CIROZ: variants seen among roughly 807,000 people sequenced by gnomAD.
The protein encoded by CIROZ is ciliated left-right organizer ZP-N domains-containing protein.
At chr1:10,947,779 C>G in the CIROZ span, 1 of 1,598,466 alleles carries the variant, frequency 6.3e-7, no homozygotes, top group Admixed American at 1.7e-5. Flanking sequence ...AGTGAGGCCC[C>G]CCGGCCAGCC....
the CIROZ span, among the ~76,000 whole-genome samples, chr1:10,959,671 A>G: frequency 6.6e-6 from 1 of 152,290 alleles, no homozygotes; most frequent in South Asian, 2.1e-4. This position sits in a 1 kb window ranked among gnomAD's most constrained non-coding sequence, Gnocchi z 4.3. Flanking sequence ...TCCCCAACTC[A>G]AGGCTACCCA....
chr1:10,966,107 T>C, the CIROZ span, among the ~76,000 whole-genome samples: 10 of 152,178 alleles, frequency 6.6e-5, no homozygotes, highest in East Asian at 1.5e-3. Context: ...TTGGCAATGA[T>C]AGAAGCAGGT....
At chr1:10,969,939 A>T in the CIROZ span, 4 of 1,504,932 alleles carry the variant, frequency 2.7e-6, no homozygotes, top group Middle Eastern at 1.8e-4. Context: ...GCCCCAGCAA[A>T]GACCCCGCCC....
the CIROZ span, among the ~76,000 whole-genome samples, chr1:10,959,921 TGGA>T: frequency 1.3e-5 from 2 of 152,068 alleles, no homozygotes; most frequent in Non-Finnish European, 1.5e-5. This position sits in a 1 kb window ranked among gnomAD's most constrained non-coding sequence, Gnocchi z 4.3. Context: ...GTGGAAGAAA[TGGA>T]GGAGATGTCC....
At chr1:10,978,188 A>AAC in the CIROZ span, among the ~76,000 whole-genome samples, 16 of 151,122 alleles carry the variant, frequency 1.1e-4, 1 homozygote, top group African/African-American at 3.9e-4. Context: ...AAAAAAAAAA[A>AAC]AGTTAGCCAC....
chr1:10,962,226 A>G, the CIROZ span, among the ~76,000 whole-genome samples: 1 of 151,878 alleles, frequency 6.6e-6, no homozygotes. Flanking sequence ...CAGGCGGATC[A>G]CTTGAGGTCA....
chr1:10,974,358 C>A, the CIROZ span, among the ~76,000 whole-genome samples: 10 of 152,036 alleles, frequency 6.6e-5, no homozygotes, highest in Non-Finnish European at 1.5e-5. The surrounding 1 kb of genome is among the most constrained non-coding windows in gnomAD (Gnocchi z 4.4). Context: ...GAGTTGAGTA[C>A]CCTCTCTGCT....
At chr1:10,953,977 T>C in the CIROZ span, 1 of 1,584,494 alleles carries the variant, frequency 6.3e-7, no homozygotes, top group East Asian at 2.3e-5. Context: ...GTGTGGTGTG[T>C]GCCTGTTACC....
the CIROZ span, among the ~76,000 whole-genome samples, chr1:10,979,624 C>T: frequency 5.9e-5 from 9 of 152,246 alleles, no homozygotes; most frequent in Admixed American, 2.0e-4. Flanking sequence ...TCAGAGGACA[C>T]GTGCAAGACT....
chr1:10,958,161 G>A, the CIROZ span, among the ~76,000 whole-genome samples: 6 of 152,298 alleles, frequency 3.9e-5, no homozygotes, highest in Non-Finnish European at 8.8e-5. Context: ...GCCAGATGCG[G>A]GCAGAGGGAC....
chr1:10,957,226 T>G, the CIROZ span: 1 of 760,232 alleles, frequency 1.3e-6, no homozygotes, highest in Non-Finnish European at 2.1e-6. Flanking sequence ...AAGCCCCAAG[T>G]GTTACAAAGC....
chr1:10,979,387 G>A, the CIROZ span, among the ~76,000 whole-genome samples: 3 of 152,130 alleles, frequency 2.0e-5, no homozygotes, highest in East Asian at 5.8e-4. Flanking sequence ...CCACAAAGAA[G>A]CTTTCCTTAG....
chr1:10,966,319 C>G, the CIROZ span: 1 of 1,491,736 alleles, frequency 6.7e-7, no homozygotes, highest in Admixed American at 2.5e-5. Flanking sequence ...CCTTAAATCT[C>G]CCTTTAAAAA....
the CIROZ span, chr1:10,964,026 C>T: frequency 1.2e-4 from 167 of 1,424,800 alleles, no homozygotes; most frequent in Non-Finnish European, 1.4e-4. Flanking sequence ...CCCTGGGCCA[C>T]GTCCTGTGGT....
At chr1:10,947,105 G>T in the CIROZ span, among the ~76,000 whole-genome samples, 1 of 152,232 alleles carries the variant, frequency 6.6e-6, no homozygotes, top group African/African-American at 2.4e-5. Flanking sequence ...CCATCGGGAG[G>T]AATGATTACC....
chr1:10,950,174 C>G, the CIROZ span, among the ~76,000 whole-genome samples: 1 of 151,436 alleles, frequency 6.6e-6, no homozygotes, highest in African/African-American at 2.4e-5. Flanking sequence ...GCTGGGATTA[C>G]AGGTGTGCAC....
the CIROZ span, among the ~76,000 whole-genome samples, chr1:10,952,068 A>G: frequency 6.6e-6 from 1 of 152,178 alleles, no homozygotes; most frequent in African/African-American, 2.4e-5. Flanking sequence ...AGTGCTTACA[A>G]GGGCAAGGCG....
chr1:10,966,630 G>T, the CIROZ span: 2 of 929,436 alleles, frequency 2.2e-6, no homozygotes, highest in Non-Finnish European at 3.0e-6. Context: ...ATTTTTAAAA[G>T]TCTGGAAAGG....
At chr1:10,978,743 G>A in the CIROZ span, among the ~76,000 whole-genome samples, 1 of 152,168 alleles carries the variant, frequency 6.6e-6, no homozygotes, top group South Asian at 2.1e-4. Flanking sequence ...CAAAGACCTG[G>A]GGAAGGGCAT....
Sources: gnomAD v4.1 joint callset for allele counts (sites outside exome capture counted in the v4.1 genomes callset) on GRCh38, gnomAD v4.1.1 for gene constraint, Gnocchi (gnomAD v3.1) non-coding constraint, MANE v1.5 for transcripts, NCBI Gene and HGNC (gene_info 2026-07-23, HGNC 2026-07-21) for gene names.